The following DPP9 variants were observed in gnomAD, a reference collection of about 807,000 sequenced individuals.
The protein encoded by DPP9 is dipeptidyl peptidase IV-related protein-2.
Under a neutral mutation model 110.7 loss-of-function variants are expected in DPP9, and 50 were observed. That is an observed-to-expected ratio of 0.45 (90% CI 0.36 to 0.57). The LOEUF is 0.57. Ranked by LOEUF, DPP9 falls within the 20% of genes least tolerant of loss-of-function variation. The pLI is 0.00. For synonymous variants in DPP9, 561 were observed against 514.4 expected (o/e 1.09, Z -1.23); for missense variants, 1,022 against 1,217.9 (o/e 0.84, Z 2.39).
Position 4,714,276 on chromosome 19 carries a change from G to A in DPP9, c.118C>T (p.Arg40Ter), listed in dbSNP as rs1293196032. ...TCATCTGTGGCGGCTGCGTCGCCTC[G>A]GTCGGCCGTTGGGGTCCCGGTGGTG... Reference protein sequence around the residue: ...MATTGTPTADRGDAAATDDPA... With the variant: ...MATTGTPTAD Residue 40 changes from arginine (R) to a stop codon, truncating the protein, a stop_gained, in exon 4 of 22, where the codon CGA (arginine) becomes TGA (stop). Transcript: ENST00000262960. LOFTEE classifies it high-confidence loss of function. The A allele has an allele frequency of 5.1e-6, 8 of 1,557,498 alleles. No homozygotes were observed. Among genetic ancestry groups the A allele is most frequent in the Admixed American group, 1.9e-5 (1 of 53,428 alleles).
In DPP9 at chr19:4,697,574, G is replaced by A. The variant is rs376634899; in HGVS notation, c.1152C>T (p.Ala384=). 35 of 1,613,814 alleles carry A rather than the reference G, an allele frequency of 2.2e-5. No individual in the cohort carries two copies. In the African/African-American group the frequency reaches 2.9e-4, roughly 14 times the overall value. ...ACTATTTGCCATCCCGGGTCCACCCGGCCCTGGCGATGTACTCCACCTTCG... is the reference window on the plus strand; with the variant it reads ...ACTATTTGCCATCCCGGGTCCACCCAGCCCTGGCGATGTACTCCACCTTCG... The part of the protein sequence containing the change: ...LFPKVEYIAR[A]GWTRDGKYAW... Residue 384 remains alanine (A), a synonymous_variant, in exon 11 of 22, where the codon GCC becomes GCT. Coordinates refer to ENST00000262960, the MANE Select transcript of DPP9 (RefSeq NM_139159.5).
Position 4,697,261 on chromosome 19 carries a change from G to A in DPP9, c.1175+290C>T, listed in dbSNP as rs2091886632. Among the ~76,000 whole-genome samples the A allele has an allele frequency of 2.0e-5, 3 of 152,124 alleles. No individual in the cohort carries two copies. In the South Asian group the frequency reaches 6.2e-4, roughly 32 times the overall value. ...CAGTTTTTCTGAGCCTGAGGTCTGG[G>A]GACACCTGAAATCCCCTCTGTAGGT... On this transcript the variant is annotated intron_variant, in intron 11 of 21. Transcript: ENST00000262960.
chr19:4,703,494 G>C (rs1239732915), intron 7 of DPP9, among the ~76,000 whole-genome samples: 1 of 150,570 alleles, frequency 6.6e-6, no homozygotes, highest in South Asian at 2.1e-4. Flanking sequence ...AAATTAGCCA[G>C]GCGTGGTGGC....
rs912808225 is a variant in DPP9 at position 4,676,162 on chromosome 19, T to C, written c.*402A>G. On this transcript the variant is annotated 3_prime_UTR_variant, in exon 22 of 22. Transcript: ENST00000262960. This position sits in a 1 kb window ranked among gnomAD's most constrained non-coding sequence, Gnocchi z 4.0. The stretch of plus-strand genomic sequence containing the variant: ...TGGCCGGGGGGGACAGGCAATTGCA[T>C]GCTTGGGTGCTGGGGACGGTGGCTG... 4.6e-5 allele frequency: 9 copies of C among 195,342 alleles called. No homozygotes were observed. The highest frequency in any genetic ancestry group is 7.3e-5 in the Non-Finnish European group (7 of 95,508). The allele number at this position is 195,342 out of a possible 1,614,324, so 12.1% of individuals were successfully genotyped here.
chr19:4,690,055 G>A (rs532799958), intron 14 of DPP9, among the ~76,000 whole-genome samples: 16 of 152,308 alleles, frequency 1.1e-4, no homozygotes, highest in East Asian at 7.7e-4. Flanking sequence ...CACCGTGCCC[G>A]AAACAGAGGC....
At chr19:4,679,808 G>T in intron 21 of DPP9, 27 bp downstream of exon 21, 1 of 1,544,680 alleles carries the variant, frequency 6.5e-7, no homozygotes, top group Non-Finnish European at 8.8e-7. Flanking sequence ...GCTCGCGGAG[G>T]GGCCGAAGCC....
chr19:4,681,223 T>A (rs184184760), intron 20 of DPP9, among the ~76,000 whole-genome samples: 1 of 152,258 alleles, frequency 6.6e-6, no homozygotes, highest in Non-Finnish European at 1.5e-5. Flanking sequence ...GGGAACAGGG[T>A]TTGACGCTGG....
rs558108462 is a variant in DPP9 at position 4,689,889 on chromosome 19, G to A, written c.1597-167C>T. Among the ~76,000 whole-genome samples, 12 of 152,276 alleles carry A rather than the reference G, an allele frequency of 7.9e-5. No individual in the cohort carries two copies. Among genetic ancestry groups the A allele is most frequent in the African/African-American group, 2.9e-4 (12 of 41,558 alleles). ...GAGATGAACCATCCCTGAGAGATGC[G>A]CTTATCTGGCCCCGTGGGCTGGGAG... On this transcript the variant is annotated intron_variant, in intron 14 of 21. Coordinates refer to ENST00000262960, the MANE Select transcript of DPP9 (RefSeq NM_139159.5). This position sits in a 1 kb window ranked among gnomAD's most constrained non-coding sequence, Gnocchi z 7.0.
At chr19:4,690,811 G>T in intron 14 of DPP9, 67 bp downstream of exon 14, 1 of 1,233,012 alleles carries the variant, frequency 8.1e-7, no homozygotes, top group Non-Finnish European at 1.2e-6. Context: ...GTGCGTGTGT[G>T]TGTGAGTGTA....
At chr19:4,723,011 A>C (rs2093389214) in intron 1 of DPP9, among the ~76,000 whole-genome samples, 1 of 152,208 alleles carries the variant, frequency 6.6e-6, no homozygotes, top group African/African-American at 2.4e-5. Flanking sequence ...AGGCCTGAGA[A>C]GGGAGGCTGA....
Position 4,704,167 on chromosome 19 carries a change from GA to G in DPP9, c.563del (p.Leu188ProfsTer17). Reference protein sequence around the residue: ...GLFLFQASNSLFHCRDGGKNG... With the variant: ...GLFLFQASNSXFHCRDGGKNG... ...TCTTGCCGCCGTCGCGGCAGTGGAA[GA>G]GGCTGTTGCTGGCCTGGAAGAGGAA... On this transcript the variant is annotated frameshift_variant, in exon 6 of 22. Coordinates refer to ENST00000262960, the MANE Select transcript of DPP9 (RefSeq NM_139159.5). LOFTEE classifies it high-confidence loss of function. This position sits in a 1 kb window ranked among gnomAD's most constrained non-coding sequence, Gnocchi z 6.0. 6.2e-7 allele frequency: 1 copy of G among 1,614,032 alleles called. No individual in the cohort carries two copies. Among genetic ancestry groups the G allele is most frequent in the Non-Finnish European group, 8.5e-7 (1 of 1,179,898 alleles).
chr19:4,694,872 G>A lies in DPP9; in HGVS notation c.1354-49C>T. Reference sequence around the variant, plus strand: ...TGCGTCAGAAGGTGTGGGTGGCCGGGCATGGTGGCTCACACCAGTAATCCC... The same window carrying A: ...TGCGTCAGAAGGTGTGGGTGGCCGGACATGGTGGCTCACACCAGTAATCCC... On this transcript the variant is annotated intron_variant, in intron 12 of 21. Coordinates refer to ENST00000262960, the MANE Select transcript of DPP9 (RefSeq NM_139159.5). This position sits in a 1 kb window ranked among gnomAD's most constrained non-coding sequence, Gnocchi z 4.0. 6.3e-7 allele frequency: 1 copy of A among 1,590,540 alleles called. No homozygotes were observed. The highest frequency in any genetic ancestry group is 8.6e-7 in the Non-Finnish European group (1 of 1,164,756).
intron 3 of DPP9, among the ~76,000 whole-genome samples, chr19:4,716,423 A>G (rs564479812): frequency 1.7e-4 from 26 of 152,206 alleles, no homozygotes; most frequent in South Asian, 1.2e-3. Context: ...GGATCATGAG[A>G]TCAGCAGATC....
intron 13 of DPP9, among the ~76,000 whole-genome samples, chr19:4,691,239 C>T (rs573255782): frequency 8.6e-5 from 13 of 152,008 alleles, no homozygotes; most frequent in African/African-American, 1.7e-4. Context: ...TTTGGGAGGC[C>T]GAGGCAGGAG....
rs764512508 is a variant in DPP9, at chr19:4,682,918, G to C, written c.2332-80C>G. Reference sequence around the variant, plus strand: ...GGTCCTACAGCCAGCATCAGCCGCTGTCCCGGGGCCGCCCTGGAGCCCGTG... The same window carrying C: ...GGTCCTACAGCCAGCATCAGCCGCTCTCCCGGGGCCGCCCTGGAGCCCGTG... On this transcript the variant is annotated intron_variant, in intron 19 of 21. Transcript: ENST00000262960. This position sits in a 1 kb window ranked among gnomAD's most constrained non-coding sequence, Gnocchi z 7.1. 1.3e-6 allele frequency: 2 copies of C among 1,539,012 alleles called. No individual in the cohort carries two copies. The highest frequency in any genetic ancestry group is 1.7e-6 in the Non-Finnish European group (2 of 1,146,560).
chr19:4,714,955 C>A (rs1240516111), intron 3 of DPP9, among the ~76,000 whole-genome samples: 1 of 151,442 alleles, frequency 6.6e-6, no homozygotes, highest in Non-Finnish European at 1.5e-5. Flanking sequence ...TGCTGGCCCT[C>A]CTGCTCGGAG....
In DPP9 at chr19:4,685,115, G is replaced by A. The variant is rs1457238023; in HGVS notation, c.2032-306C>T. On this transcript the variant is annotated intron_variant, in intron 17 of 21. Transcript: ENST00000262960. This position sits in a 1 kb window ranked among gnomAD's most constrained non-coding sequence, Gnocchi z 5.8. Reference sequence around the variant, plus strand: ...CATTGGGGTGGCTCCTTCTCGGGTGGGGCCATCTGGGCACTGCGGGGTGCT... The same window carrying A: ...CATTGGGGTGGCTCCTTCTCGGGTGAGGCCATCTGGGCACTGCGGGGTGCT... The A allele has an allele frequency of 1.7e-6, 1 of 586,486 alleles. No homozygotes were observed. Among genetic ancestry groups the A allele is most frequent in the African/African-American group, 1.8e-5 (1 of 54,690 alleles). The allele number at this position is 586,486 out of a possible 1,614,324, so 36.3% of individuals were successfully genotyped here.
chr19:4,714,978 C>T (rs1445491675), intron 3 of DPP9, among the ~76,000 whole-genome samples: 5 of 148,556 alleles, frequency 3.4e-5, no homozygotes, highest in Admixed American at 3.4e-4. Flanking sequence ...CATTTTTCCT[C>T]ACTTTGCTTA....
At position 4,702,053 on chromosome 19, in the gene DPP9, G is replaced by A. The variant is rs148904342; in HGVS notation, c.986C>T (p.Thr329Met). The A allele has an allele frequency of 1.4e-3, 2,242 of 1,613,926 alleles. 58 individuals are homozygous for A. In the Admixed American group the frequency reaches 0.034, roughly 25 times the overall value. ...VPSPALEERK[T>M]DSYRYPRTGS... ...TGTCCTGGGGTACCGATACGAGTCC[G>A]TCTTCCTTTCTTCTAGCGCAGGAGA... Residue 329 changes from threonine (T) to methionine (M), a missense_variant, in exon 9 of 22, where the codon ACG becomes ATG. By Grantham distance (81) the Thr-to-Met change is moderately conservative (BLOSUM62 -1). Around this residue, in one of 3 missense-constraint regions of DPP9, gnomAD observed 810 missense variants for 920.6 expected, o/e 0.88. Transcript: ENST00000262960.
Sources: allele counts gnomAD v4.1 joint callset (sites outside exome capture counted in the v4.1 genomes callset), GRCh38; gene constraint gnomAD v4.1.1; regional missense constraint gnomAD v4.1.1; non-coding constraint Gnocchi (gnomAD v3.1); transcripts MANE v1.5; gene names NCBI Gene and HGNC (gene_info 2026-07-23, HGNC 2026-07-21).